Variants in MARCHF1 observed in about 807,000 individuals in gnomAD.
MARCHF1 encodes membrane associated ring-CH-type finger 1.
A neutral mutation model predicts 54.2 loss-of-function variants in MARCHF1; 40 were observed. That is an observed-to-expected ratio of 0.74 (90% CI 0.57 to 0.96). MARCHF1 has a LOEUF of 0.96. Ranked by LOEUF, MARCHF1 falls within the 40% of genes least tolerant of loss-of-function variation. The pLI, the probability that MARCHF1 is intolerant of heterozygous loss-of-function variation, is 0.00. For missense variants in MARCHF1, 586 were observed against 656.5 expected (o/e 0.89, Z 1.17); for synonymous variants, 236 against 236.3 (o/e 1.00, Z 0.01).
rs184381007 is a variant in MARCHF1 at position 163,973,580 on chromosome 4, C to A, written c.-39+14921G>T. 2.1e-3 allele frequency among the ~76,000 whole-genome samples: 319 copies of A among 152,260 alleles called. No individual in the cohort carries two copies. The Middle Eastern group carries it at 0.024, about 11-fold the overall frequency. On this transcript the variant is annotated intron_variant, in intron 3 of 9. Coordinates refer to ENST00000514618, the MANE Select transcript of MARCHF1 (RefSeq NM_001394959.1). ...CGGAAACGGCGTTGGAGGGCACTAC[C>A]AAAGGACTTCAATACAGGGAGATGA...
chr4:163,555,700 C>T (rs1419473921), intron 8 of MARCHF1: 1 of 232,532 alleles, frequency 4.3e-6, no homozygotes, highest in African/African-American at 2.3e-5. Context: ...ATAAAGAAAA[C>T]AAAAGGAATA....
Position 164,070,030 on chromosome 4 carries a change from T to C in MARCHF1, c.-248+41558A>G, listed in dbSNP as rs1048362679. 2.0e-5 allele frequency among the ~76,000 whole-genome samples: 3 copies of C among 152,126 alleles called. No individual in the cohort carries two copies. In the South Asian group the frequency reaches 6.2e-4, roughly 31 times the overall value. Reference sequence around the variant, plus strand: ...AATGCAGGCACAGAAAACCAAATACTGCATGTTCTAATTTTTAAATGGGAG... The same window carrying C: ...AATGCAGGCACAGAAAACCAAATACCGCATGTTCTAATTTTTAAATGGGAG... On this transcript the variant is annotated intron_variant, in intron 2 of 9. Transcript: ENST00000514618.
At chr4:164,053,251 G>C (rs1754412633) in intron 2 of MARCHF1, among the ~76,000 whole-genome samples, 1 of 152,028 alleles carries the variant, frequency 6.6e-6, no homozygotes, top group Non-Finnish European at 1.5e-5. Context: ...TTAAAAAACA[G>C]TTACCAATGA....
At chr4:164,086,889 A>G (rs557051333) in intron 2 of MARCHF1, among the ~76,000 whole-genome samples, 1 of 152,236 alleles carries the variant, frequency 6.6e-6, no homozygotes, top group South Asian at 2.1e-4. Context: ...TATTATAACA[A>G]TAATTTCAAA....
chr4:163,812,271 T>C lies in MARCHF1; in HGVS notation c.111+41750A>G, dbSNP rs1002888554. 2.0e-5 allele frequency among the ~76,000 whole-genome samples: 3 copies of C among 150,094 alleles called. No individual in the cohort carries two copies. In the East Asian group the frequency reaches 5.8e-4, roughly 29 times the overall value. ...ATATAATATATAGTTATATGTTATA[T>C]ATCAATAACATATATTATATATATA... On this transcript the variant is annotated intron_variant, in intron 4 of 9. Coordinates refer to ENST00000514618, the MANE Select transcript of MARCHF1 (RefSeq NM_001394959.1).
At chr4:164,130,938 T>A (rs1049253671) in intron 1 of MARCHF1, among the ~76,000 whole-genome samples, 1 of 152,218 alleles carries the variant, frequency 6.6e-6, no homozygotes, top group African/African-American at 2.4e-5. Flanking sequence ...ATACGAGACA[T>A]CTTTTACATT....
intron 9 of MARCHF1, among the ~76,000 whole-genome samples, chr4:163,542,968 G>A (rs760975778): frequency 2.0e-5 from 3 of 152,152 alleles, no homozygotes; most frequent in Non-Finnish European, 4.4e-5. Flanking sequence ...TGGTGGACAA[G>A]AGAAGCTGGA....
rs193023587 is a variant in MARCHF1, at chr4:164,141,946, G to A, written c.-322-30284C>T. The stretch of plus-strand genomic sequence containing the variant: ...CACTAGGGAGTGCCAGACAGTGGGC[G>A]CAGGTCAGTGGGTGGGCGCACCGTG... On this transcript the variant is annotated intron_variant, in intron 1 of 9. Coordinates refer to ENST00000514618, the MANE Select transcript of MARCHF1 (RefSeq NM_001394959.1). Among the ~76,000 whole-genome samples the A allele has an allele frequency of 3.4e-5, 5 of 148,726 alleles. No individual in the cohort carries two copies. The East Asian group carries it at 5.8e-4, about 17-fold the overall frequency.
chr4:163,642,732 G>C (rs546931966), intron 5 of MARCHF1, among the ~76,000 whole-genome samples: 1 of 152,136 alleles, frequency 6.6e-6, no homozygotes, highest in South Asian at 2.1e-4. Context: ...ATGTTTTGGA[G>C]AGCTATAGGT....
intron 1 of MARCHF1, among the ~76,000 whole-genome samples, chr4:164,112,617 T>C (rs1203020756): frequency 6.6e-6 from 1 of 151,932 alleles, no homozygotes; most frequent in Admixed American, 6.6e-5. Context: ...GTATAATAGT[T>C]ATATAAAATG....
chr4:164,222,623 A>G (rs1015777277), intron 1 of MARCHF1, among the ~76,000 whole-genome samples: 2 of 151,916 alleles, frequency 1.3e-5, no homozygotes, highest in Non-Finnish European at 2.9e-5. Flanking sequence ...AGAAAAAGAG[A>G]AGGATGGAGA....
chr4:163,576,154 TA>T, intron 8 of MARCHF1, among the ~76,000 whole-genome samples: 1 of 151,924 alleles, frequency 6.6e-6, no homozygotes. Flanking sequence ...GAGATCTTCC[TA>T]ATTTTTTGAT....
At chr4:164,066,541 A>G (rs2111080207) in intron 2 of MARCHF1, among the ~76,000 whole-genome samples, 1 of 152,294 alleles carries the variant, frequency 6.6e-6, no homozygotes, top group South Asian at 2.1e-4. Flanking sequence ...GAATACAAAT[A>G]ATTGTATTAT....
At chr4:163,953,590 A>G (rs1752175323) in intron 3 of MARCHF1, among the ~76,000 whole-genome samples, 2 of 152,094 alleles carry the variant, frequency 1.3e-5, no homozygotes, top group East Asian at 3.8e-4. Context: ...TTTCTAATAA[A>G]CCCATAGTCA....
At chr4:163,721,319 G>T (rs1163025943) in intron 4 of MARCHF1, among the ~76,000 whole-genome samples, 3 of 151,928 alleles carry the variant, frequency 2.0e-5, no homozygotes, top group African/African-American at 7.3e-5. Flanking sequence ...CTGTTTATAT[G>T]CTGGATTACG....
chr4:163,790,182 T>G (rs1747736481), intron 4 of MARCHF1, among the ~76,000 whole-genome samples: 1 of 152,108 alleles, frequency 6.6e-6, no homozygotes, highest in African/African-American at 2.4e-5. Context: ...ATTTCTTCAC[T>G]GTGTTTAATG....
intron 5 of MARCHF1, among the ~76,000 whole-genome samples, chr4:163,647,311 T>TAC (rs1327389291): frequency 1.3e-5 from 2 of 151,934 alleles, no homozygotes; most frequent in African/African-American, 4.8e-5. Flanking sequence ...AATACAATAA[T>TAC]AGTAGGGGAC....
At chr4:164,188,845 C>A (rs371106406) in intron 1 of MARCHF1, 4 of 784,654 alleles carry the variant, frequency 5.1e-6, no homozygotes. Context: ...TGCAATAAAC[C>A]GCTGAGGCTT....
chr4:164,311,502 C>T (rs1212477014), intron 1 of MARCHF1, among the ~76,000 whole-genome samples: 1 of 152,082 alleles, frequency 6.6e-6, no homozygotes, highest in Non-Finnish European at 1.5e-5. Flanking sequence ...TTCCAATGAC[C>T]ATCTGTCCAA....
Sources: allele counts gnomAD v4.1 joint callset (sites outside exome capture counted in the v4.1 genomes callset), GRCh38; gene constraint gnomAD v4.1.1; transcripts MANE v1.5; gene names NCBI Gene and HGNC (gene_info 2026-07-23, HGNC 2026-07-21).